GRIP1: variants seen among roughly 807,000 people sequenced by gnomAD.
The protein encoded by GRIP1 is glutamate receptor interacting protein 1.
Under a neutral mutation model 129.9 loss-of-function variants are expected in GRIP1, and 45 were observed. That is an observed-to-expected ratio of 0.35 (90% CI 0.27 to 0.44). The LOEUF (loss-of-function observed/expected upper bound fraction) is 0.44. Ranked by LOEUF, GRIP1 falls within the 20% of genes least tolerant of loss-of-function variation. GRIP1 has a pLI of 1.00. For synonymous variants in GRIP1, 530 were observed against 520.8 expected (o/e 1.02, Z -0.24); for missense variants, 1,196 against 1,396.8 (o/e 0.86, Z 2.29).
chr12:66,935,984 T>C (rs2041477669), intron 1 of GRIP1, among the ~76,000 whole-genome samples: 1 of 152,194 alleles, frequency 6.6e-6, no homozygotes, highest in African/African-American at 2.4e-5. Flanking sequence ...TCTCAGGCCA[T>C]ATTTAGTCTG....
intron 1 of GRIP1, among the ~76,000 whole-genome samples, chr12:67,019,723 A>G (rs1020114346): frequency 1.3e-5 from 2 of 152,158 alleles, no homozygotes; most frequent in African/African-American, 4.8e-5. Flanking sequence ...TAAACATGTT[A>G]AAAAAGAGAA....
intron 8 of GRIP1, among the ~76,000 whole-genome samples, chr12:66,464,954 C>CTTTTTT (rs62769560): frequency 1.2e-4 from 11 of 93,634 alleles, no homozygotes; most frequent in African/African-American, 4.0e-4. Context: ...TTCTTTCTTT[C>CTTTTTT]TTTTTTTTTT....
intron 1 of GRIP1, among the ~76,000 whole-genome samples, chr12:66,871,542 G>A (rs903490447): frequency 1.3e-5 from 2 of 152,008 alleles, no homozygotes; most frequent in African/African-American, 4.8e-5. Context: ...CCTATGAGGT[G>A]CTTAATGAAA....
chr12:66,877,560 C>T (rs984582360), intron 1 of GRIP1, among the ~76,000 whole-genome samples: 1 of 152,008 alleles, frequency 6.6e-6, no homozygotes, highest in Non-Finnish European at 1.5e-5. Context: ...TGATTGCAGC[C>T]AAAAATCAAA....
intron 5 of GRIP1, among the ~76,000 whole-genome samples, chr12:66,527,788 G>A (rs572023240): frequency 7.2e-5 from 11 of 152,254 alleles, no homozygotes; most frequent in African/African-American, 2.6e-4. Flanking sequence ...GGGAACAACA[G>A]ACACTGAGGC....
At chr12:66,456,770 AAG>A (rs1441495461) in intron 9 of GRIP1, among the ~76,000 whole-genome samples, 1 of 152,204 alleles carries the variant, frequency 6.6e-6, no homozygotes, top group Non-Finnish European at 1.5e-5. Flanking sequence ...AAAGAAAAGA[AAG>A]AGCAATAAAT....
intron 7 of GRIP1, among the ~76,000 whole-genome samples, chr12:66,472,222 T>A (rs1297060188): frequency 2.0e-5 from 3 of 152,170 alleles, no homozygotes; most frequent in South Asian, 2.1e-4. Flanking sequence ...CAACATGAAC[T>A]TAAAAACTAT....
rs952027077 is a variant in GRIP1 at position 66,539,019 on chromosome 12, G to T, written c.418+59C>A. On this transcript the variant is annotated intron_variant, in intron 4 of 24. Transcript: ENST00000359742. ...GGTTTGGTATTATGAGCAGTTTTAG[G>T]CATCCACTGGGGGTCTTGGAATGTA... The T allele has an allele frequency of 1.1e-5, 15 of 1,408,188 alleles. No homozygotes were observed. The South Asian group carries it at 1.5e-4, about 14-fold the overall frequency. 87.2% of individuals were successfully genotyped at this position (1,408,188 alleles called of 1,614,324 possible).
intron 16 of GRIP1, among the ~76,000 whole-genome samples, chr12:66,396,150 T>C (rs1565697321): frequency 6.6e-6 from 1 of 152,226 alleles, no homozygotes; most frequent in Non-Finnish European, 1.5e-5. Flanking sequence ...ACACTCTGTG[T>C]GGGCCATTCA....
chr12:66,740,656 A>G (rs1024215142), intron 1 of GRIP1, among the ~76,000 whole-genome samples: 1 of 152,220 alleles, frequency 6.6e-6, no homozygotes, highest in African/African-American at 2.4e-5. Flanking sequence ...TCAAACTTAC[A>G]TCTATAAGAG....
At chr12:66,487,151 T>A (rs983895087) in intron 7 of GRIP1, among the ~76,000 whole-genome samples, 2 of 152,218 alleles carry the variant, frequency 1.3e-5, no homozygotes, top group East Asian at 3.9e-4. Flanking sequence ...ACTTTGTACA[T>A]ACCATCATGG....
chr12:66,373,015 A>G (rs1430989340), intron 22 of GRIP1, among the ~76,000 whole-genome samples: 1 of 152,208 alleles, frequency 6.6e-6, no homozygotes, highest in African/African-American at 2.4e-5. Flanking sequence ...AGTCTTTTGA[A>G]TGTAGTCACT....
At chr12:66,624,511 T>C (rs1237150358) in intron 1 of GRIP1, among the ~76,000 whole-genome samples, 1 of 152,260 alleles carries the variant, frequency 6.6e-6, no homozygotes, top group Middle Eastern at 3.4e-3. Context: ...ATAATAAATA[T>C]AATTTATTGA....
intron 1 of GRIP1, among the ~76,000 whole-genome samples, chr12:66,899,966 A>T (rs2040818593): frequency 6.6e-6 from 1 of 152,138 alleles, no homozygotes; most frequent in Admixed American, 6.5e-5. Flanking sequence ...TGCTAGCAGA[A>T]ATAGCTGTGA....
At chr12:66,978,275 A>T (rs2042186308) in intron 1 of GRIP1, among the ~76,000 whole-genome samples, 1 of 152,048 alleles carries the variant, frequency 6.6e-6, no homozygotes, top group Non-Finnish European at 1.5e-5. Context: ...GAAGCAAGGA[A>T]TTTTTTTTAT....
At chr12:66,730,109 G>C (rs996952672) in intron 1 of GRIP1, among the ~76,000 whole-genome samples, 7 of 152,100 alleles carry the variant, frequency 4.6e-5, no homozygotes, top group Non-Finnish European at 1.0e-4. Context: ...ATATATAATA[G>C]CCACTTGATA....
intron 7 of GRIP1, among the ~76,000 whole-genome samples, chr12:66,477,900 T>G (rs1303875753): frequency 6.6e-6 from 1 of 152,160 alleles, no homozygotes; most frequent in Non-Finnish European, 1.5e-5. Flanking sequence ...AAGACTTAAA[T>G]GTTAGACCTA....
At chr12:66,374,772 T>A (rs1196406066) in intron 22 of GRIP1, among the ~76,000 whole-genome samples, 2 of 152,226 alleles carry the variant, frequency 1.3e-5, no homozygotes, top group Admixed American at 1.3e-4. Context: ...ATACTATCAC[T>A]AATTCTTTGG....
At chr12:66,901,923 T>G (rs940799304) in intron 1 of GRIP1, among the ~76,000 whole-genome samples, 2 of 152,248 alleles carry the variant, frequency 1.3e-5, no homozygotes, top group Admixed American at 6.5e-5. Context: ...AAAATTATAA[T>G]GCATTCAGCA....
Sources: gnomAD v4.1 joint callset for allele counts (sites outside exome capture counted in the v4.1 genomes callset) on GRCh38, gnomAD v4.1.1 for gene constraint, MANE v1.5 for transcripts, NCBI Gene and HGNC (gene_info 2026-07-23, HGNC 2026-07-21) for gene names.